IGF1R: variants seen among roughly 807,000 people sequenced by gnomAD.
The protein encoded by IGF1R is insulin-like growth factor 1 receptor.
IGF1R carries 44 observed loss-of-function variants against 144.6 expected under a neutral mutation model. The ratio of observed to expected loss-of-function variants is 0.30; its 90% CI spans 0.24 to 0.39. The LOEUF (loss-of-function observed/expected upper bound fraction) is 0.39, where lower values mean the gene tolerates loss of function less well. Ranked by LOEUF, IGF1R falls within the 10% of genes least tolerant of loss-of-function variation. The pLI, the probability that IGF1R is intolerant of heterozygous loss-of-function variation, is 1.00. For missense variants in IGF1R, 1,355 were observed against 1,833.7 expected, an observed-to-expected ratio of 0.74 and a Z score of 4.77; for synonymous variants, 795 against 722.8, an observed-to-expected ratio of 1.10 and a Z score of -1.60.
In IGF1R at chr15:98,916,814, G is replaced by A. The variant is rs2015273300; in HGVS notation, c.2139G>A (p.Lys713=). 2 of 1,614,124 alleles carry A rather than the reference G, an allele frequency of 1.2e-6. No individual in the cohort carries two copies. Among genetic ancestry groups the A allele is most frequent in the Non-Finnish European group, 1.7e-6 (2 of 1,180,010 alleles). The change falls in exon 10 of 21, where the codon AAG becomes AAA. Residue 713 remains lysine, a synonymous_variant. Transcript: ENST00000650285. ...PKTEAEKQAE[K]EEAEYRKVFE... ...CTGAAGCCGAGAAGCAGGCCGAGAA[G>A]GAGGAGGCTGAATACCGCAAAGTCT...
intron 6 of IGF1R, among the ~76,000 whole-genome samples, chr15:98,910,323 G>C (rs1207653606): frequency 1.3e-5 from 2 of 152,238 alleles, no homozygotes; most frequent in African/African-American, 4.8e-5. Flanking sequence ...TGACCTGTCA[G>C]ATCATAATAC....
intron 2 of IGF1R, among the ~76,000 whole-genome samples, chr15:98,838,918 G>C (rs1384848483): frequency 1.3e-5 from 2 of 152,206 alleles, no homozygotes; most frequent in Non-Finnish European, 2.9e-5. Context: ...TCCTGCTTTT[G>C]CTGGGAGAGC....
intron 19 of IGF1R, among the ~76,000 whole-genome samples, chr15:98,946,482 G>A (rs1038182009): frequency 6.6e-6 from 1 of 152,144 alleles, no homozygotes; most frequent in Non-Finnish European, 1.5e-5. Context: ...AGAGGTGGTG[G>A]TGGGCCAGGC....
At chr15:98,823,753 G>T (rs902624332) in intron 2 of IGF1R, among the ~76,000 whole-genome samples, 2 of 152,108 alleles carry the variant, frequency 1.3e-5, no homozygotes, top group African/African-American at 4.8e-5. Context: ...GATCATAGGG[G>T]TTTTTGCATA....
chr15:98,786,592 C>T (rs536984649), intron 2 of IGF1R, among the ~76,000 whole-genome samples: 1 of 152,276 alleles, frequency 6.6e-6, no homozygotes, highest in East Asian at 1.9e-4. Flanking sequence ...TCTAAGGAAC[C>T]TGGAAACACA....
At chr15:98,730,396 A>G (rs569136294) in intron 2 of IGF1R, among the ~76,000 whole-genome samples, 2 of 152,318 alleles carry the variant, frequency 1.3e-5, no homozygotes, top group Admixed American at 6.5e-5. Context: ...CTTCTATTCT[A>G]ATGCTGGTAA....
intron 2 of IGF1R, among the ~76,000 whole-genome samples, chr15:98,808,686 T>TTTTC (rs1297008727): frequency 6.6e-6 from 1 of 151,220 alleles, no homozygotes; most frequent in Non-Finnish European, 1.5e-5. Context: ...TTTTTTTTTT[T>TTTTC]TTCTTTTTGA....
chr15:98,885,579 G>A (rs995736667), intron 2 of IGF1R, among the ~76,000 whole-genome samples: 2 of 152,152 alleles, frequency 1.3e-5, no homozygotes, highest in Admixed American at 6.5e-5. Flanking sequence ...GCTAGGGAAA[G>A]CCTCCCTGCG....
chr15:98,913,369 G>A (rs1596442367), intron 8 of IGF1R, 87 bp downstream of exon 8: 1 of 1,008,464 alleles, frequency 9.9e-7, no homozygotes, highest in East Asian at 2.4e-5. Context: ...TGTAGGGTTA[G>A]CAGTGAGCTA....
At chr15:98,751,452 C>A (rs943907516) in intron 2 of IGF1R, among the ~76,000 whole-genome samples, 4 of 152,150 alleles carry the variant, frequency 2.6e-5, no homozygotes, top group Non-Finnish European at 5.9e-5. Flanking sequence ...TCAAGCGATC[C>A]TCTCCCCTCA....
chr15:98,705,794 C>T (rs2053847666), intron 1 of IGF1R, among the ~76,000 whole-genome samples: 1 of 152,198 alleles, frequency 6.6e-6, no homozygotes, highest in Non-Finnish European at 1.5e-5. Context: ...ACATGGGCTT[C>T]TCTCCCGCTC....
At chr15:98,789,008 G>A (rs1801508958) in intron 2 of IGF1R, among the ~76,000 whole-genome samples, 1 of 151,980 alleles carries the variant, frequency 6.6e-6, no homozygotes, top group African/African-American at 2.4e-5. Context: ...ATTTTGCAGT[G>A]GCTTGCGTGT....
intron 1 of IGF1R, among the ~76,000 whole-genome samples, chr15:98,657,886 C>A (rs1049673208): frequency 2.6e-5 from 4 of 152,164 alleles, no homozygotes; most frequent in Non-Finnish European, 5.9e-5. Flanking sequence ...CACTTGAAAT[C>A]GCTCAGATTG....
At chr15:98,903,910 A>T (rs541526529) in intron 5 of IGF1R, among the ~76,000 whole-genome samples, 6 of 152,322 alleles carry the variant, frequency 3.9e-5, no homozygotes, top group African/African-American at 1.4e-4. Context: ...CAGACCAGGG[A>T]TGGCTGCAAG....
At chr15:98,938,194 C>T (rs929351713) in intron 17 of IGF1R, among the ~76,000 whole-genome samples, 1 of 152,220 alleles carries the variant, frequency 6.6e-6, no homozygotes, top group African/African-American at 2.4e-5. Flanking sequence ...GTCATCTTCT[C>T]GTCAGTGAAA....
At chr15:98,832,089 T>G (rs1177668843) in intron 2 of IGF1R, among the ~76,000 whole-genome samples, 1 of 152,166 alleles carries the variant, frequency 6.6e-6, no homozygotes, top group Non-Finnish European at 1.5e-5. Context: ...GCTTCTTGGG[T>G]CTGGATCCTT....
At chr15:98,748,328 A>G (rs756776340) in intron 2 of IGF1R, among the ~76,000 whole-genome samples, 1 of 152,080 alleles carries the variant, frequency 6.6e-6, no homozygotes, top group Non-Finnish European at 1.5e-5. Context: ...CACCTTGCCC[A>G]GCAAATTTAT....
intron 3 of IGF1R, among the ~76,000 whole-genome samples, chr15:98,892,111 A>T (rs1031754584): frequency 3.3e-5 from 5 of 152,226 alleles, no homozygotes; most frequent in African/African-American, 1.2e-4. Flanking sequence ...AGCTAGCAGC[A>T]GCTCAGAGTA....
chr15:98,811,493 G>T (rs1383941712), intron 2 of IGF1R, among the ~76,000 whole-genome samples: 2 of 148,164 alleles, frequency 1.3e-5, no homozygotes, highest in Non-Finnish European at 3.0e-5. Flanking sequence ...TCACGCCACT[G>T]CACTCCAGCC....
Sources: allele counts gnomAD v4.1 joint callset (sites outside exome capture counted in the v4.1 genomes callset), GRCh38; gene constraint gnomAD v4.1.1; transcripts MANE v1.5; gene names NCBI Gene and HGNC (gene_info 2026-07-23, HGNC 2026-07-21).